PTPRT: variants seen among roughly 807,000 people sequenced by gnomAD.
PTPRT encodes protein tyrosine phosphatase receptor type T, also known as receptor-type tyrosine-protein phosphatase T.
A neutral mutation model predicts 176.8 loss-of-function variants in PTPRT; 56 were observed. That is an observed-to-expected ratio of 0.32 (90% confidence interval 0.26 to 0.40). PTPRT has a LOEUF of 0.40. Among genes scored for constraint, PTPRT ranks in the 10% least tolerant of loss-of-function variants. The pLI, the probability that PTPRT is intolerant of heterozygous loss-of-function variation, is 1.00. For synonymous variants in PTPRT, 783 were observed against 739.0 expected, an observed-to-expected ratio of 1.06 and a Z score of -0.96; for missense variants, 1,540 against 1,908.2, an observed-to-expected ratio of 0.81 and a Z score of 3.60.
chr20:42,224,714 C>G (rs1367420447), intron 15 of PTPRT, among the ~76,000 whole-genome samples: 1 of 152,216 alleles, frequency 6.6e-6, no homozygotes, highest in Non-Finnish European at 1.5e-5. Flanking sequence ...TCTCCAACCT[C>G]TCTTTATAGA....
chr20:42,672,961 A>G (rs1241635035), intron 7 of PTPRT, among the ~76,000 whole-genome samples: 1 of 152,210 alleles, frequency 6.6e-6, no homozygotes, highest in African/African-American at 2.4e-5. Context: ...CTAGCACAGA[A>G]TTTGGCACAA....
intron 9 of PTPRT, among the ~76,000 whole-genome samples, chr20:42,403,608 G>C (rs957734903): frequency 1.3e-5 from 2 of 152,078 alleles, no homozygotes; most frequent in Admixed American, 1.3e-4. Context: ...GTCTTCAATT[G>C]CTCCCTTTAA....
chr20:42,106,439 T>C (rs1334935242), intron 24 of PTPRT, among the ~76,000 whole-genome samples: 1 of 152,202 alleles, frequency 6.6e-6, no homozygotes, highest in Admixed American at 6.5e-5. Flanking sequence ...TAAATGCCAG[T>C]CCTTCTCTTT....
intron 1 of PTPRT, among the ~76,000 whole-genome samples, chr20:43,072,714 A>G (rs926556087): frequency 2.6e-5 from 4 of 152,218 alleles, no homozygotes; most frequent in African/African-American, 9.6e-5. Context: ...TTCTATCTTT[A>G]GAAAATATGG....
intron 6 of PTPRT, among the ~76,000 whole-genome samples, chr20:42,741,344 T>C (rs1413790093): frequency 6.6e-6 from 1 of 152,146 alleles, no homozygotes; most frequent in Non-Finnish European, 1.5e-5. Context: ...ATGAGCTGTC[T>C]TTTCTGTTCT....
chr20:42,705,732 C>A (rs551486761), intron 6 of PTPRT, among the ~76,000 whole-genome samples: 1 of 152,262 alleles, frequency 6.6e-6, no homozygotes, highest in African/African-American at 2.4e-5. Context: ...TCATGGCAAC[C>A]TTGGCTTCTA....
At chr20:43,160,750 G>A (rs1600759951) in intron 1 of PTPRT, among the ~76,000 whole-genome samples, 1 of 152,254 alleles carries the variant, frequency 6.6e-6, no homozygotes, top group East Asian at 1.9e-4. Flanking sequence ...AGCCAGAATA[G>A]TGGTTAACAT....
At chr20:42,391,917 T>C (rs1050930820) in intron 9 of PTPRT, among the ~76,000 whole-genome samples, 5 of 152,202 alleles carry the variant, frequency 3.3e-5, no homozygotes, top group Admixed American at 2.0e-4. Context: ...GAAGAGCTTC[T>C]AATGTCGGAT....
chr20:42,571,489 G>A (rs1367320895), intron 7 of PTPRT, among the ~76,000 whole-genome samples: 1 of 152,194 alleles, frequency 6.6e-6, no homozygotes, highest in Non-Finnish European at 1.5e-5. Context: ...CTGATCTCCA[G>A]AATTGTAAGA....
chr20:42,857,911 C>A lies in PTPRT; in HGVS notation c.214+27896G>T, dbSNP rs560635005. Among the ~76,000 whole-genome samples the A allele has an allele frequency of 3.3e-5, 5 of 152,202 alleles. No homozygotes were observed. The South Asian group carries it at 1.0e-3, about 32-fold the overall frequency. On this transcript the variant is annotated intron_variant, in intron 2 of 30. Coordinates refer to ENST00000373187, the MANE Select transcript of PTPRT (RefSeq NM_007050.6). ...CCCTCTACAATCCCAGGAATGACACCTGCCCCCTTTTTACTTTTTCTGTTT... is the reference window on the plus strand; with the variant it reads ...CCCTCTACAATCCCAGGAATGACACATGCCCCCTTTTTACTTTTTCTGTTT...
At chr20:42,601,510 T>G (rs1240697128) in intron 7 of PTPRT, among the ~76,000 whole-genome samples, 1 of 152,208 alleles carries the variant, frequency 6.6e-6, no homozygotes, top group Non-Finnish European at 1.5e-5. Context: ...CTCAGTAAAT[T>G]AATCTAGTCA....
At chr20:42,446,079 T>C (rs920835338) in intron 9 of PTPRT, among the ~76,000 whole-genome samples, 1 of 152,148 alleles carries the variant, frequency 6.6e-6, no homozygotes, top group Non-Finnish European at 1.5e-5. Flanking sequence ...TCCAATCTAA[T>C]GCATCATCCT....
intron 1 of PTPRT, among the ~76,000 whole-genome samples, chr20:42,901,558 C>T (rs986148146): frequency 2.6e-5 from 4 of 152,156 alleles, no homozygotes; most frequent in Non-Finnish European, 5.9e-5. Context: ...CCTGGCACGT[C>T]CCCCACGGTC....
At chr20:42,063,555 T>A in the PTPRT span, 1 of 152,338 alleles carries the variant, frequency 6.6e-6, no homozygotes, top group African/African-American at 2.4e-5. Context: ...GGAGGGAAGC[T>A]TTACTCATCA....
intron 1 of PTPRT, among the ~76,000 whole-genome samples, chr20:43,162,020 C>G (rs2014713520): frequency 6.6e-6 from 1 of 152,188 alleles, no homozygotes; most frequent in Non-Finnish European, 1.5e-5. Flanking sequence ...CATTACCATG[C>G]TAATATGGTG....
chr20:42,424,809 C>A (rs142613313), intron 9 of PTPRT, among the ~76,000 whole-genome samples: 1 of 149,004 alleles, frequency 6.7e-6, no homozygotes. Flanking sequence ...AAGACAAGAA[C>A]GCAAGAGGGA....
At position 42,964,860 on chromosome 20, in the gene PTPRT, A is replaced by C. The variant is rs370774275; in HGVS notation, c.89-78928T>G. 6.6e-5 allele frequency among the ~76,000 whole-genome samples: 10 copies of C among 152,348 alleles called. 1 individual carries two copies. The South Asian group carries it at 2.1e-3, about 32-fold the overall frequency. On this transcript the variant is annotated intron_variant, in intron 1 of 30. Transcript: ENST00000373187. ...CATTCATAAATCAATTAATAGGTTTAATCCAAAGAGGAACATATTTTAAGT... is the reference window on the plus strand; with the variant it reads ...CATTCATAAATCAATTAATAGGTTTCATCCAAAGAGGAACATATTTTAAGT...
At chr20:42,606,474 T>C (rs1600459193) in intron 7 of PTPRT, among the ~76,000 whole-genome samples, 1 of 152,212 alleles carries the variant, frequency 6.6e-6, no homozygotes, top group Non-Finnish European at 1.5e-5. Flanking sequence ...TGCCAGGCCC[T>C]GGGGGAATGA....
chr20:42,586,012 T>A (rs1447853226), intron 7 of PTPRT, among the ~76,000 whole-genome samples: 2 of 152,226 alleles, frequency 1.3e-5, no homozygotes, highest in Non-Finnish European at 2.9e-5. Context: ...TCAGCTCACT[T>A]GTACTGTCGG....
Sources: gnomAD v4.1 joint callset for allele counts (sites outside exome capture counted in the v4.1 genomes callset) on GRCh38, gnomAD v4.1.1 for gene constraint, MANE v1.5 for transcripts, NCBI Gene and HGNC (gene_info 2026-07-23, HGNC 2026-07-21) for gene names.